The following PEX5 variants were observed in gnomAD, a reference collection of about 807,000 sequenced individuals.
PEX5 encodes PTS1 receptor.
A neutral mutation model predicts 82.9 loss-of-function variants in PEX5; 52 were observed. The ratio of observed to expected loss-of-function variants is 0.63; its 90% CI spans 0.50 to 0.79. PEX5 has a LOEUF of 0.79. Among genes scored for constraint, PEX5 ranks in the 30% least tolerant of loss-of-function variants. PEX5 has a pLI of 0.00. For synonymous variants in PEX5, 300 were observed against 318.8 expected, an observed-to-expected ratio of 0.94 and a Z score of 0.63; for missense variants, 719 against 815.2, an observed-to-expected ratio of 0.88 and a Z score of 1.44.
chr12:7,203,543 TATG>T lies in PEX5; in HGVS notation c.961_963del (p.Asp321del), dbSNP rs1256295273. ...CTATGATGACCTTACGTCAGCTACC[TATG>T]ATAAGGTGAGGTAAAAACTCTTAGT... On this transcript the variant is annotated inframe_deletion, in exon 10 of 16. Coordinates refer to ENST00000675855, the MANE Select transcript of PEX5 (RefSeq NM_001351132.2). 6.2e-7 allele frequency: 1 copy of T among 1,613,794 alleles called. No individual in the cohort carries two copies. Among genetic ancestry groups the T allele is most frequent in the Admixed American group, 1.7e-5 (1 of 59,988 alleles).
chr12:7,202,271 G>A lies in PEX5; in HGVS notation c.673G>A (p.Gly225Arg). ...GAAATTCGTGCGGCAGATTGGCGAA[G>A]GGCAGGTGTCCCTGGAGTCCGGTGC... Reference protein sequence around the residue: ...FLKFVRQIGEGQVSLESGAGS... With the variant: ...FLKFVRQIGERQVSLESGAGS... The change falls in exon 8 of 16, where the codon GGG becomes AGG. Residue 225 changes from glycine to arginine, a missense_variant. Transcript: ENST00000675855. The A allele has an allele frequency of 1.2e-6, 2 of 1,614,124 alleles. No homozygotes were observed. Among genetic ancestry groups the A allele is most frequent in the Non-Finnish European group, 1.7e-6 (2 of 1,180,022 alleles).
intron 8 of PEX5, 100 bp downstream of exon 8, chr12:7,202,451 G>C (rs745506018): frequency 8.7e-6 from 13 of 1,500,622 alleles, no homozygotes; most frequent in Non-Finnish European, 1.1e-5. Context: ...GATAAGACCA[G>C]CTTGTCTTGA....
chr12:7,207,847 C>G (rs369225346), intron 11 of PEX5, 45 bp downstream of exon 11: 4 of 1,609,164 alleles, frequency 2.5e-6, no homozygotes, highest in Non-Finnish European at 3.4e-6. Flanking sequence ...ACTGCTTCCT[C>G]CATCTTGAGA....
intron 10 of PEX5, among the ~76,000 whole-genome samples, chr12:7,205,376 T>G (rs952153084): frequency 3.3e-5 from 5 of 152,252 alleles, no homozygotes; most frequent in Non-Finnish European, 5.9e-5. Context: ...ACTTGACTCT[T>G]GATTGTTACA....
chr12:7,190,212 C>A (rs1210612862), intron 1 of PEX5, 150 bp from the exon 2 acceptor site: 2 of 1,571,660 alleles, frequency 1.3e-6, no homozygotes, highest in Middle Eastern at 2.3e-4. Flanking sequence ...GAACTCCTGG[C>A]AGAGGTGGGG....
chr12:7,201,284 CAT>C lies in PEX5; in HGVS notation c.552-465_552-464del, dbSNP rs1427713916. 2.7e-5 allele frequency among the ~76,000 whole-genome samples: 4 copies of C among 149,498 alleles called. No homozygotes were observed. In the South Asian group the frequency reaches 6.4e-4, roughly 24 times the overall value. ...GTACACATGTATACACACACATAGA[CAT>C]ACATGTATACACACATACACATACA... On this transcript the variant is annotated intron_variant, in intron 6 of 15. Transcript: ENST00000675855.
intron 5 of PEX5, among the ~76,000 whole-genome samples, chr12:7,197,389 TAATTATA>T (rs1364292971): frequency 9.0e-6 from 1 of 111,130 alleles, no homozygotes; most frequent in African/African-American, 3.5e-5. Context: ...TACAATGTAA[TAATTATA>T]TATATGTCAT....
intron 5 of PEX5, among the ~76,000 whole-genome samples, chr12:7,196,724 C>T (rs377355453): frequency 3.5e-4 from 1 of 2,880 alleles, no homozygotes; most frequent in Admixed American, 0.011. Flanking sequence ...ATATATGTCA[C>T]ATATAATGTA....
chr12:7,191,643 G>C lies in PEX5; in HGVS notation c.391G>C (p.Val131Leu). 6.2e-7 allele frequency: 1 copy of C among 1,613,728 alleles called. No homozygotes were observed. Reference protein sequence around the residue: ...EFLAAGDAVDVTQDYNETDWS... With the variant: ...EFLAAGDAVDLTQDYNETDWS... ...TCTTGCAGCTGGAGATGCTGTGGAT[G>C]TAACTCAGGATTATAATGAGACTGA... is the stretch of plus-strand genomic sequence containing the variant. The change falls in exon 5 of 16, where the codon GTA (valine) becomes CTA (leucine). Residue 131 changes from valine to leucine, a missense_variant. Val to Leu is a conservative substitution (Grantham distance 32, BLOSUM62 1). Coordinates refer to ENST00000675855, the MANE Select transcript of PEX5 (RefSeq NM_001351132.2).
intron 5 of PEX5, among the ~76,000 whole-genome samples, chr12:7,193,722 C>T (rs766288602): frequency 3.9e-5 from 6 of 152,112 alleles, no homozygotes; most frequent in African/African-American, 1.2e-4. Flanking sequence ...CTACTATGAG[C>T]GTTGAGATGG....
Position 7,191,257 on chromosome 12 carries a change from C to T in PEX5, c.215C>T (p.Ala72Val), listed in dbSNP as rs779805344. ...GCTGAATTCCTGCAGGACCAGAATGCACCCCTTGTGTCCCGTGCCCCTCAG... is the reference window on the plus strand; with the variant it reads ...GCTGAATTCCTGCAGGACCAGAATGTACCCCTTGTGTCCCGTGCCCCTCAG... ...LVAEFLQDQN[A>V]PLVSRAPQTF... The change falls in exon 4 of 16, where the codon GCA becomes GTA. Residue 72 changes from alanine to valine, a missense_variant. Ala to Val is a moderately conservative substitution (Grantham distance 64). Transcript: ENST00000675855. 6 of 1,614,020 alleles carry T rather than the reference C, an allele frequency of 3.7e-6. No homozygotes were observed. The East Asian group carries it at 6.7e-5, about 18-fold the overall frequency.
In PEX5 at chr12:7,189,724, G is replaced by C. The variant is rs1437820461; in HGVS notation, c.-43G>C. On this transcript the variant is annotated 5_prime_UTR_variant, in exon 1 of 16. Transcript: ENST00000675855. ...CCCCAAGCCAGCACCTGGTGCCCCGGCGGGTCGTGCGGCGCGGCGCTCCGC... is the reference window on the plus strand; with the variant it reads ...CCCCAAGCCAGCACCTGGTGCCCCGCCGGGTCGTGCGGCGCGGCGCTCCGC... The C allele has an allele frequency of 2.6e-6, 1 of 388,648 alleles. No homozygotes were observed. The highest frequency in any genetic ancestry group is 2.1e-5 in the African/African-American group (1 of 47,398). 24.1% of individuals were successfully genotyped at this position (388,648 alleles called of 1,614,324 possible).
In PEX5 at chr12:7,189,719, C is replaced by G. The variant is rs894514473; in HGVS notation, c.-48C>G. ...CCCTCCCCCAAGCCAGCACCTGGTG[C>G]CCCGGCGGGTCGTGCGGCGCGGCGC... On this transcript the variant is annotated 5_prime_UTR_variant, in exon 1 of 16. Transcript: ENST00000675855. 3.7e-5 allele frequency: 14 copies of G among 381,992 alleles called. No individual in the cohort carries two copies. Among genetic ancestry groups the G allele is most frequent in the Non-Finnish European group, 5.5e-5 (12 of 219,546 alleles). The allele number at this position is 381,992 out of a possible 1,614,324, so 23.7% of individuals were successfully genotyped here.
At chr12:7,203,071 A>G (rs1266734042) in intron 9 of PEX5, among the ~76,000 whole-genome samples, 3 of 151,900 alleles carry the variant, frequency 2.0e-5, no homozygotes, top group Non-Finnish European at 4.4e-5. Context: ...GGCAGGAGAA[A>G]TGTTTGAAAC....
At chr12:7,206,490 CCTT>C (rs1189712564) in intron 10 of PEX5, among the ~76,000 whole-genome samples, 2 of 152,142 alleles carry the variant, frequency 1.3e-5, no homozygotes, top group African/African-American at 4.8e-5. Flanking sequence ...TCATTTTCTG[CCTT>C]CTTAGTTTTT....
At chr12:7,191,913 A>G (rs771160938) in intron 5 of PEX5, among the ~76,000 whole-genome samples, 1 of 152,324 alleles carries the variant, frequency 6.6e-6, no homozygotes, top group African/African-American at 2.4e-5. Context: ...GAGATTTTGG[A>G]TAGAGAGAAC....
chr12:7,190,177 G>T, intron 1 of PEX5, 185 bp from the exon 2 acceptor site: 1 of 1,509,150 alleles, frequency 6.6e-7, no homozygotes, highest in African/African-American at 1.4e-5. Flanking sequence ...GAGGGGGGCG[G>T]CAGGAGAGAG....
chr12:7,195,892 G>A (rs1015851072), intron 5 of PEX5, among the ~76,000 whole-genome samples: 1 of 150,874 alleles, frequency 6.6e-6, no homozygotes, highest in East Asian at 1.9e-4. Flanking sequence ...TCTAATTGGG[G>A]CAAATGGAAG....
At position 7,210,511 on chromosome 12, in the gene PEX5, G is replaced by A. The variant is rs779477926; in HGVS notation, c.*288G>A. On this transcript the variant is annotated 3_prime_UTR_variant, in exon 16 of 16. Coordinates refer to ENST00000675855, the MANE Select transcript of PEX5 (RefSeq NM_001351132.2). ...CTTTCTTGGTGCTGCTTTTTGGGTA[G>A]GACCCCACGATTTAGGGTAACTGTT... The A allele has an allele frequency of 7.5e-6, 4 of 531,136 alleles. No homozygotes were observed. The highest frequency in any genetic ancestry group is 6.9e-5 in the East Asian group (2 of 29,134). The allele number at this position is 531,136 out of a possible 1,614,324, so 32.9% of individuals were successfully genotyped here. A position where few individuals can be genotyped will look rare whatever the true frequency, so the allele number is the denominator to read the frequency against.
Sources: allele counts gnomAD v4.1 joint callset (sites outside exome capture counted in the v4.1 genomes callset), GRCh38; gene constraint gnomAD v4.1.1; transcripts MANE v1.5; gene names NCBI Gene and HGNC (gene_info 2026-07-23, HGNC 2026-07-21).